NAALADL2: variants seen among roughly 807,000 people sequenced by gnomAD.
NAALADL2 encodes the protein inactive N-acetylated-alpha-linked acidic dipeptidase-like protein 2.
A neutral mutation model predicts 87.2 loss-of-function variants in NAALADL2; 76 were observed. The observed-to-expected ratio is 0.87, with a 90% CI of 0.72 to 1.05. The LOEUF (loss-of-function observed/expected upper bound fraction) is 1.05. Among genes scored for constraint, NAALADL2 ranks in the 50% least tolerant of loss-of-function variants. NAALADL2 has a pLI of 0.00. For synonymous variants in NAALADL2, 354 were observed against 331.0 expected, an observed-to-expected ratio of 1.07 and a Z score of -0.75; for missense variants, 1,089 against 945.8, an observed-to-expected ratio of 1.15 and a Z score of -1.99.
chr3:174,705,397 T>C lies in NAALADL2; in HGVS notation c.-114-32244T>C, dbSNP rs189763013. Among the ~76,000 whole-genome samples the C allele has an allele frequency of 3.8e-3, 579 of 152,358 alleles. 4 individuals carry two copies. Among genetic ancestry groups the C allele is most frequent in the African/African-American group, 0.013 (551 of 41,590 alleles). On this transcript the variant is annotated intron_variant, in intron 2 of 3. Transcript: ENST00000434257. Reference sequence around the variant, plus strand: ...ATCTTCTGAAGAGCATAATTTGTCCTGTGACATATCTCAGTCCATGCATAT... The same window carrying C: ...ATCTTCTGAAGAGCATAATTTGTCCCGTGACATATCTCAGTCCATGCATAT...
At chr3:175,373,537 CAT>C (rs767519322) in intron 5 of NAALADL2, among the ~76,000 whole-genome samples, 11 of 152,244 alleles carry the variant, frequency 7.2e-5, no homozygotes, top group Non-Finnish European at 1.2e-4. Flanking sequence ...ATTTTATGCT[CAT>C]ATCAGTTTGC....
chr3:174,556,501 T>TTAAGAAG (rs1229495160), intron 2 of NAALADL2, among the ~76,000 whole-genome samples: 4 of 152,108 alleles, frequency 2.6e-5, no homozygotes, highest in African/African-American at 7.2e-5. Context: ...GACGTGTTTC[T>TTAAGAAG]TAAGAAGAAA....
At chr3:175,185,629 G>A (rs1737212025) in intron 2 of NAALADL2, among the ~76,000 whole-genome samples, 1 of 151,594 alleles carries the variant, frequency 6.6e-6, no homozygotes, top group Non-Finnish European at 1.5e-5. Flanking sequence ...ATCTAGAATA[G>A]TGGTTATCTT....
In NAALADL2 at chr3:175,399,058, T is replaced by TA. The variant is rs951075080; in HGVS notation, c.1091-48163dup. ...TTAACCTAGTTAAAAAAATAAAAAA[T>TA]AAAAAAAAGAGAATACTTTTTTTTA... On this transcript the variant is annotated intron_variant, in intron 5 of 13. Transcript: ENST00000454872. 9.9e-5 allele frequency among the ~76,000 whole-genome samples: 15 copies of TA among 151,344 alleles called. No individual in the cohort carries two copies. The East Asian group carries it at 1.6e-3, about 16-fold the overall frequency.
At chr3:175,199,862 ATATTTTTTTTTTTTT>A (rs1299065866) in intron 2 of NAALADL2, among the ~76,000 whole-genome samples, 201 of 13,776 alleles carry the variant, frequency 0.015, 4 homozygotes, top group African/African-American at 0.056. Flanking sequence ...ATATATATAT[ATATTTTTTTTTTTTT>A]TTTTTTTTTT....
Position 175,616,756 on chromosome 3 carries a change from C to T in NAALADL2, c.1801-10535C>T, listed in dbSNP as rs549272443. 2.6e-5 allele frequency among the ~76,000 whole-genome samples: 4 copies of T among 152,208 alleles called. No homozygotes were observed. The South Asian group carries it at 8.3e-4, about 32-fold the overall frequency. The stretch of plus-strand genomic sequence containing the variant: ...TGTTCAGTTTGTGGGTTTCTGTACC[C>T]CCAATATTGGGGTAATACAAGGGCT... On this transcript the variant is annotated intron_variant, in intron 10 of 13. Transcript: ENST00000454872.
intron 1 of NAALADL2, among the ~76,000 whole-genome samples, chr3:174,457,769 C>T (rs140748280): frequency 2.0e-5 from 3 of 152,090 alleles, no homozygotes; most frequent in Middle Eastern, 3.4e-3. Flanking sequence ...TAAGATCGTG[C>T]CATTGCACTT....
intron 4 of NAALADL2, among the ~76,000 whole-genome samples, chr3:175,263,251 A>C (rs1484670348): frequency 6.6e-6 from 1 of 151,938 alleles, no homozygotes; most frequent in Non-Finnish European, 1.5e-5. Flanking sequence ...TTTTTTGTTG[A>C]GATACAACTT....
At chr3:175,660,463 A>G (rs1194082905) in intron 11 of NAALADL2, among the ~76,000 whole-genome samples, 1 of 152,170 alleles carries the variant, frequency 6.6e-6, no homozygotes, top group Non-Finnish European at 1.5e-5. Context: ...AAATCAGGGT[A>G]ATTGGGATAT....
At chr3:175,300,942 A>C (rs1318350228) in intron 4 of NAALADL2, among the ~76,000 whole-genome samples, 2 of 151,866 alleles carry the variant, frequency 1.3e-5, no homozygotes, top group Admixed American at 6.6e-5. Flanking sequence ...GAGTTTCTCC[A>C]TGTTGGTCAT....
At chr3:175,047,381 A>G (rs567717058) in intron 1 of NAALADL2, among the ~76,000 whole-genome samples, 1 of 152,146 alleles carries the variant, frequency 6.6e-6, no homozygotes, top group African/African-American at 2.4e-5. Flanking sequence ...GGACTTTGAT[A>G]TGTAATTTTT....
intron 1 of NAALADL2, among the ~76,000 whole-genome samples, chr3:175,065,281 A>G (rs912980588): frequency 6.6e-6 from 1 of 152,188 alleles, no homozygotes; most frequent in Non-Finnish European, 1.5e-5. Flanking sequence ...TCCCTTGCTG[A>G]AGTCTTACTA....
chr3:174,473,801 C>T (rs368354517), intron 1 of NAALADL2, among the ~76,000 whole-genome samples: 40 of 152,092 alleles, frequency 2.6e-4, no homozygotes, highest in African/African-American at 5.5e-4. Flanking sequence ...CTGATAAATT[C>T]GTATTTTGAG....
intron 2 of NAALADL2, among the ~76,000 whole-genome samples, chr3:175,174,564 A>G (rs1198619552): frequency 6.6e-6 from 1 of 152,114 alleles, no homozygotes; most frequent in Non-Finnish European, 1.5e-5. Flanking sequence ...AAATAGAACA[A>G]AGACAAAAAT....
In NAALADL2 at chr3:175,806,928, G is replaced by A. The variant is rs1754759134; in HGVS notation, c.*3725G>A. The A allele has an allele frequency of 6.6e-6, 1 of 151,554 alleles. No individual in the cohort carries two copies. Among genetic ancestry groups the A allele is most frequent in the East Asian group, 1.9e-4 (1 of 5,160 alleles). 9.4% of individuals were successfully genotyped at this position (151,554 alleles called of 1,614,324 possible). ...AATGTTAACATATTTCTCCAAAACT[G>A]ATCAGACTGTGGAGTCTGTCACTTT... On this transcript the variant is annotated 3_prime_UTR_variant, in exon 14 of 14. Transcript: ENST00000454872.
At chr3:175,697,387 A>G (rs4558765) in intron 11 of NAALADL2, among the ~76,000 whole-genome samples, 47,788 of 146,986 alleles carry the variant, frequency 0.33, 9,775 homozygotes, top group African/African-American at 0.59. Context: ...TGCTAGTGCT[A>G]AAGCTGCACA....
At chr3:175,718,208 T>G (rs925817537) in intron 11 of NAALADL2, 18 of 703,316 alleles carry the variant, frequency 2.6e-5, no homozygotes, top group Admixed American at 3.5e-5. Context: ...TTTTTTTTTT[T>G]TTTTTTTTTT....
At chr3:175,040,529 A>G (rs185581646) in intron 1 of NAALADL2, among the ~76,000 whole-genome samples, 1 of 152,198 alleles carries the variant, frequency 6.6e-6, no homozygotes, top group Non-Finnish European at 1.5e-5. Flanking sequence ...ACTAATACCC[A>G]GAAGACTTGC....
intron 1 of NAALADL2, among the ~76,000 whole-genome samples, chr3:174,939,397 T>G (rs1171227887): frequency 6.6e-6 from 1 of 152,156 alleles, no homozygotes; most frequent in Non-Finnish European, 1.5e-5. Context: ...CCATGCTGCT[T>G]TGGTTACTGT....
Sources: gnomAD v4.1 joint callset for allele counts (sites outside exome capture counted in the v4.1 genomes callset) on GRCh38, gnomAD v4.1.1 for gene constraint, MANE v1.5 for transcripts, NCBI Gene and HGNC (gene_info 2026-07-23, HGNC 2026-07-21) for gene names.